ADCY9: variants seen among roughly 807,000 people sequenced by gnomAD.
ADCY9 encodes adenylate cyclase type 9.
Under a neutral mutation model 101.5 loss-of-function variants are expected in ADCY9, and 50 were observed. The ratio of observed to expected loss-of-function variants is 0.49; its 90% CI spans 0.39 to 0.62. The LOEUF (loss-of-function observed/expected upper bound fraction) is 0.62, where lower values mean the gene tolerates loss of function less well. Ranked by LOEUF, ADCY9 falls within the 20% of genes least tolerant of loss-of-function variation. The probability of loss-of-function intolerance (pLI) is 0.00; values close to 1 mark genes in which losing one functional copy is unlikely to be tolerated. For synonymous variants in ADCY9, 905 were observed against 769.3 expected (o/e 1.18, Z -2.92); for missense variants, 1,662 against 1,800.4 (o/e 0.92, Z 1.39).
At chr16:4,008,656 C>T (rs1411095790) in intron 2 of ADCY9, among the ~76,000 whole-genome samples, 1 of 151,922 alleles carries the variant, frequency 6.6e-6, no homozygotes, top group Non-Finnish European at 1.5e-5. Flanking sequence ...ACTGCAGCCT[C>T]CACCTCCTGG....
intron 2 of ADCY9, among the ~76,000 whole-genome samples, chr16:4,083,415 G>C (rs912914410): frequency 6.6e-6 from 1 of 152,106 alleles, no homozygotes; most frequent in Non-Finnish European, 1.5e-5. Context: ...GGTGGGAAGA[G>C]AAAATGGCAT....
chr16:4,000,279 A>G (rs2056320500), intron 3 of ADCY9, among the ~76,000 whole-genome samples: 1 of 152,244 alleles, frequency 6.6e-6, no homozygotes, highest in Admixed American at 6.5e-5. Flanking sequence ...ACACTGAGAC[A>G]GAGCAAGCAC....
intron 2 of ADCY9, among the ~76,000 whole-genome samples, chr16:4,089,281 G>A: frequency 6.6e-6 from 1 of 151,982 alleles, no homozygotes; most frequent in Non-Finnish European, 1.5e-5. Flanking sequence ...GCCCAGGCTG[G>A]TCTCGAACTC....
intron 7 of ADCY9, among the ~76,000 whole-genome samples, chr16:3,980,252 G>A (rs981143181): frequency 4.0e-5 from 6 of 150,516 alleles, no homozygotes; most frequent in Non-Finnish European, 5.9e-5. Flanking sequence ...TGTCTAGCGG[G>A]CTTCGTTTCA....
At chr16:3,981,234 C>T (rs900341211) in intron 7 of ADCY9, among the ~76,000 whole-genome samples, 2 of 152,154 alleles carry the variant, frequency 1.3e-5, no homozygotes, top group Admixed American at 6.5e-5. Context: ...TTCCAGCGCA[C>T]CTCACCCCAG....
In ADCY9 at chr16:4,103,204, G is replaced by A. The variant is rs543011269; in HGVS notation, c.1693+10546C>T. 8.5e-5 allele frequency among the ~76,000 whole-genome samples: 13 copies of A among 152,350 alleles called. No homozygotes were observed. The South Asian group carries it at 2.3e-3, about 27-fold the overall frequency. On this transcript the variant is annotated intron_variant, in intron 2 of 10. Coordinates refer to ENST00000294016, the MANE Select transcript of ADCY9 (RefSeq NM_001116.4). The stretch of plus-strand genomic sequence containing the variant: ...GGCGTTGTTTCACACACATGAGAAT[G>A]CGTGTTTGGGTGGCACATACAAAAC...
downstream of ADCY9, among the ~76,000 whole-genome samples, chr16:3,958,433 G>C (rs1404519999): frequency 1.3e-5 from 2 of 150,930 alleles, no homozygotes; most frequent in African/African-American, 2.4e-5. Flanking sequence ...CCAACTACTG[G>C]GGAGGCTGAG....
rs892870219 is a variant in ADCY9 at position 3,965,546 on chromosome 16, G to A, written c.*229C>T. ...AGGCACTTGTTCTCCACCACGTGCT[G>A]AACGGATGACCCAGAGGCAGCGGGG... On this transcript the variant is annotated 3_prime_UTR_variant, in exon 11 of 11. Coordinates refer to ENST00000294016, the MANE Select transcript of ADCY9 (RefSeq NM_001116.4). 3 of 581,092 alleles carry A rather than the reference G, an allele frequency of 5.2e-6. No individual in the cohort carries two copies. The highest frequency in any genetic ancestry group is 6.1e-6 in the Non-Finnish European group (2 of 328,616). 36.0% of individuals were successfully genotyped at this position (581,092 alleles called of 1,614,324 possible).
Position 4,115,272 on chromosome 16 carries a change from A to G in ADCY9, c.171T>C (p.Ser57=), listed in dbSNP as rs1002125868. The stretch of plus-strand genomic sequence containing the variant: ...GCCGGGGGACGCCCCCGGAGTCCCC[A>G]GAGCTGCTGCAGCTAGAGGAGATGC... ...KYSISSSCSS[S]GDSGGVPRRV... Residue 57 remains serine (S), a synonymous_variant, in exon 2 of 11, where the codon TCT becomes TCC. Coordinates refer to ENST00000294016, the MANE Select transcript of ADCY9 (RefSeq NM_001116.4). The surrounding 1 kb of genome is among the most constrained non-coding windows in gnomAD (Gnocchi z 6.2). 19 of 1,613,638 alleles carry G rather than the reference A, an allele frequency of 1.2e-5. No individual in the cohort carries two copies. The highest frequency in any genetic ancestry group is 1.4e-5 in the Non-Finnish European group (16 of 1,179,840).
chr16:4,002,517 G>A (rs975625929), intron 3 of ADCY9, among the ~76,000 whole-genome samples: 2 of 152,114 alleles, frequency 1.3e-5, no homozygotes, highest in Non-Finnish European at 2.9e-5. Context: ...TACATCACTA[G>A]CTTCATTACT....
intron 5 of ADCY9, among the ~76,000 whole-genome samples, chr16:3,954,161 C>T (rs1338094645): frequency 6.6e-6 from 1 of 152,198 alleles, no homozygotes; most frequent in Admixed American, 6.5e-5. Context: ...TGACGCACCC[C>T]GTCCAGTGGC....
Position 4,115,589 on chromosome 16 carries a change from T to A in ADCY9, c.-44+101A>T. 1 of 951,296 alleles carries A rather than the reference T, an allele frequency of 1.1e-6. No individual in the cohort carries two copies. The highest frequency in any genetic ancestry group is 1.7e-5 in the South Asian group (1 of 57,174). The allele number at this position is 951,296 out of a possible 1,614,324, so 58.9% of individuals were successfully genotyped here. On this transcript the variant is annotated intron_variant, in intron 1 of 10. Coordinates refer to ENST00000294016, the MANE Select transcript of ADCY9 (RefSeq NM_001116.4). This position sits in a 1 kb window ranked among gnomAD's most constrained non-coding sequence, Gnocchi z 6.2. ...TAAGGGGCGGCTCCAGCACGCGACC[T>A]GGACAGGCACCATCTGTTCCTGTGG... is the stretch of plus-strand genomic sequence containing the variant.
downstream of ADCY9, among the ~76,000 whole-genome samples, chr16:3,958,886 G>C (rs2055923054): frequency 6.6e-6 from 1 of 151,674 alleles, no homozygotes; most frequent in Non-Finnish European, 1.5e-5. Flanking sequence ...ATGTTGGCCA[G>C]GCTAGTCTTG....
intron 2 of ADCY9, among the ~76,000 whole-genome samples, chr16:4,080,404 C>T (rs536022248): frequency 5.3e-5 from 8 of 152,060 alleles, no homozygotes; most frequent in South Asian, 4.2e-4. Flanking sequence ...CCACCACACC[C>T]GATTAATTTT....
At chr16:4,044,103 T>C (rs1398669399) in intron 2 of ADCY9, among the ~76,000 whole-genome samples, 6 of 152,160 alleles carry the variant, frequency 3.9e-5, no homozygotes, top group African/African-American at 1.4e-4. Context: ...TCCCAGCACT[T>C]TGGGAGACCC....
intron 2 of ADCY9, among the ~76,000 whole-genome samples, chr16:4,071,808 C>G (rs532836831): frequency 4.2e-3 from 256 of 61,264 alleles, no homozygotes; most frequent in Middle Eastern, 0.015. Context: ...CCCACGAATT[C>G]TGGGTTTTTT....
chr16:4,036,273 T>G (rs1433104882), intron 2 of ADCY9, among the ~76,000 whole-genome samples: 2 of 151,922 alleles, frequency 1.3e-5, no homozygotes, highest in Admixed American at 6.6e-5. Flanking sequence ...ACACACCACG[T>G]CCCCTTATGA....
downstream of ADCY9, among the ~76,000 whole-genome samples, chr16:3,962,269 C>T (rs1260900039): frequency 6.6e-6 from 1 of 152,196 alleles, no homozygotes; most frequent in Admixed American, 6.6e-5. Context: ...CCTGCAATCA[C>T]TCTTTCCTTT....
chr16:4,097,553 A>ATATATATATATTTTT (rs1382458827), intron 2 of ADCY9, among the ~76,000 whole-genome samples: 8 of 53,414 alleles, frequency 1.5e-4, no homozygotes, highest in African/African-American at 6.9e-4. Context: ...ATATATATAT[A>ATATATATATATTTTT]TTTTTTTTTT....
Sources: gnomAD v4.1 joint callset for allele counts (sites outside exome capture counted in the v4.1 genomes callset) on GRCh38, gnomAD v4.1.1 for gene constraint, Gnocchi (gnomAD v3.1) non-coding constraint, MANE v1.5 for transcripts, NCBI Gene and HGNC (gene_info 2026-07-23, HGNC 2026-07-21) for gene names.